Variants in ZKSCAN8 observed in about 807,000 individuals in gnomAD.
The protein encoded by ZKSCAN8 is zinc finger protein with KRAB and SCAN domains 8.
ZKSCAN8 carries 27 observed loss-of-function variants against 57.2 expected under a neutral mutation model. That is an observed-to-expected ratio of 0.47 (90% CI 0.35 to 0.65). The LOEUF is 0.65. Ranked by LOEUF, ZKSCAN8 falls within the 30% of genes least tolerant of loss-of-function variation. The probability of loss-of-function intolerance (pLI) is 0.01; values close to 1 mark genes in which losing one functional copy is unlikely to be tolerated. For synonymous variants in ZKSCAN8, 214 were observed against 248.7 expected, an observed-to-expected ratio of 0.86 and a Z score of 1.31; for missense variants, 597 against 696.3, an observed-to-expected ratio of 0.86 and a Z score of 1.60.
intron 3 of ZKSCAN8, 85 bp from the exon 4 acceptor site, chr6:28,151,760 T>TA (rs890554058): frequency 1.8e-6 from 2 of 1,133,878 alleles, no homozygotes; most frequent in Non-Finnish European, 1.3e-6. Flanking sequence ...TCTGCTGAAA[T>TA]AAAAATAATT....
Position 28,153,542 on chromosome 6 carries a change from T to G in ZKSCAN8, c.1262T>G (p.Leu421Arg). The G allele has an allele frequency of 6.2e-7, 1 of 1,614,102 alleles. No individual in the cohort carries two copies. The highest frequency in any genetic ancestry group is 8.5e-7 in the Non-Finnish European group (1 of 1,180,008). ...AAGGCTTTCAGTCAGAGTGCGGGCC[T>G]TATTCTGCACCAGAGAATCCACAGT... ...CGKAFSQSAG[L>R]ILHQRIHSGE... Residue 421 changes from leucine to arginine, a missense_variant, in exon 6 of 6, where the codon CTT becomes CGT. Leu to Arg is a moderately radical substitution (Grantham distance 102). Transcript: ENST00000330236.
chr6:28,146,959 C>T (rs765202657), intron 1 of ZKSCAN8, among the ~76,000 whole-genome samples: 1 of 152,000 alleles, frequency 6.6e-6, no homozygotes, highest in Non-Finnish European at 1.5e-5. Context: ...AAACCTAAAA[C>T]TATAAAACTT....
At chr6:28,149,411 C>T (rs1052630538) in intron 2 of ZKSCAN8, 72 bp from the exon 3 acceptor site, 78 of 1,577,414 alleles carry the variant, frequency 4.9e-5, no homozygotes, top group South Asian at 2.2e-4. Context: ...TAGATGTGTT[C>T]GTGGTCCTCT....
At chr6:28,145,219 A>G (rs531054148) in intron 1 of ZKSCAN8, among the ~76,000 whole-genome samples, 1 of 152,298 alleles carries the variant, frequency 6.6e-6, no homozygotes, top group South Asian at 2.1e-4. Context: ...CTTACCCCCA[A>G]GTTGTGACAA....
In ZKSCAN8 at chr6:28,148,363, TAAAG is replaced by T. The variant is rs753765315; in HGVS notation, c.-42_-39del. On this transcript the variant is annotated 5_prime_UTR_variant, in exon 2 of 6. Transcript: ENST00000330236. ...TCAGAAGAGTCTTCTCTTAAGAAGATAAAGAAGGTAGTGGAAACGAACTTCCTGA... is the reference window on the plus strand; with the variant it reads ...TCAGAAGAGTCTTCTCTTAAGAAGATAAGGTAGTGGAAACGAACTTCCTGA... The T allele has an allele frequency of 3.8e-6, 6 of 1,566,854 alleles. No homozygotes were observed. The East Asian group carries it at 6.8e-5, about 18-fold the overall frequency.
In ZKSCAN8 at chr6:28,153,411, C is replaced by G. The variant is rs1198499446; in HGVS notation, c.1131C>G (p.Arg377=). ...SHQDIHNKVK[R]YHCKECGKAF... ...AGGATATCCACAACAAAGTAAAACG[C>G]TATCACTGTAAGGAGTGTGGCAAAG... is the stretch of plus-strand genomic sequence containing the variant. The change falls in exon 6 of 6, where the codon CGC becomes CGG. Residue 377 remains arginine, a synonymous_variant. Transcript: ENST00000330236. 6.2e-7 allele frequency: 1 copy of G among 1,613,990 alleles called. No homozygotes were observed. The highest frequency in any genetic ancestry group is 1.3e-5 in the African/African-American group (1 of 74,876).
chr6:28,145,443 A>T (rs1765361290), intron 1 of ZKSCAN8, among the ~76,000 whole-genome samples: 1 of 152,196 alleles, frequency 6.6e-6, no homozygotes, highest in African/African-American at 2.4e-5. Context: ...CCATGCTAAA[A>T]AATTTGGTCC....
rs1282550655 is a variant in ZKSCAN8, at chr6:28,151,747, A to G, written c.560-98A>G. Reference sequence around the variant, plus strand: ...TGTGCAAAATCTTTGGCATACATGTATATCTGCTGAAATAAAAATAATTTG... The same window carrying G: ...TGTGCAAAATCTTTGGCATACATGTGTATCTGCTGAAATAAAAATAATTTG... On this transcript the variant is annotated intron_variant, in intron 3 of 5. Coordinates refer to ENST00000330236, the MANE Select transcript of ZKSCAN8 (RefSeq NM_006298.4). 5.0e-6 allele frequency: 5 copies of G among 991,036 alleles called. No individual in the cohort carries two copies. The African/African-American group carries it at 6.4e-5, about 13-fold the overall frequency. 61.4% of individuals were successfully genotyped at this position (991,036 alleles called of 1,614,324 possible).
At position 28,156,659 on chromosome 6, in the gene ZKSCAN8, A is replaced by G. The variant is rs1303725793; in HGVS notation, c.*2642A>G. ...GGCTGTATGACATTTTGAGCTCTTA[A>G]CTGTGAATGGCATTCATTAAGCTCC... On this transcript the variant is annotated 3_prime_UTR_variant, in exon 6 of 6. Coordinates refer to ENST00000330236, the MANE Select transcript of ZKSCAN8 (RefSeq NM_006298.4). The G allele has an allele frequency of 1.3e-5, 2 of 154,362 alleles. No homozygotes were observed. Among genetic ancestry groups the G allele is most frequent in the African/African-American group, 4.8e-5 (2 of 41,532 alleles). 9.6% of individuals were successfully genotyped at this position (154,362 alleles called of 1,614,324 possible). A position where few individuals can be genotyped will look rare whatever the true frequency, so the allele number is the denominator to read the frequency against.
At chr6:28,148,105 CAGA>C (rs1387220763) in intron 1 of ZKSCAN8, among the ~76,000 whole-genome samples, 1 of 152,076 alleles carries the variant, frequency 6.6e-6, no homozygotes, top group African/African-American at 2.4e-5. Flanking sequence ...GTGATGAAAG[CAGA>C]AGGAAGGGGT....
At chr6:28,147,965 G>A (rs1223856454) in intron 1 of ZKSCAN8, among the ~76,000 whole-genome samples, 1 of 152,166 alleles carries the variant, frequency 6.6e-6, no homozygotes, top group Non-Finnish European at 1.5e-5. Flanking sequence ...TACAGCTGGT[G>A]TATCAAAGAC....
In ZKSCAN8 at chr6:28,144,741, A is replaced by G. The variant is rs1765331712; in HGVS notation, c.-93+2712A>G. Among the ~76,000 whole-genome samples the G allele has an allele frequency of 6.6e-6, 1 of 152,234 alleles. No individual in the cohort carries two copies. The highest frequency in any genetic ancestry group is 6.5e-5 in the Admixed American group (1 of 15,288). ...CAGAGAAGAACTCATGAAAAAGGTA[A>G]TAGATAAATTAGAGTTAAGAGTTGA... On this transcript the variant is annotated intron_variant, in intron 1 of 5. Transcript: ENST00000330236. This position sits in a 1 kb window ranked among gnomAD's most constrained non-coding sequence, Gnocchi z 4.5.
chr6:28,148,470 TC>T lies in ZKSCAN8; in HGVS notation c.64del (p.Val23Ter). 1 of 1,614,102 alleles carries T rather than the reference TC, an allele frequency of 6.2e-7. No homozygotes were observed. The highest frequency in any genetic ancestry group is 8.5e-7 in the Non-Finnish European group (1 of 1,180,022). Reference protein sequence around the residue: ...SPPDQTPEEDLVIVKVEEDHG... With the variant: ...SPPDQTPEEDXVIVKVEEDHG... ...CACCAGACCAGACTCCTGAAGAGGA[TC>T]TTGTAATCGTCAAGGTAGAGGAGGA... On this transcript the variant is annotated frameshift_variant, in exon 2 of 6. Transcript: ENST00000330236. LOFTEE classifies it high-confidence loss of function.
chr6:28,152,986 T>C, intron 5 of ZKSCAN8, 70 bp from the exon 6 acceptor site: 1 of 1,565,784 alleles, frequency 6.4e-7, no homozygotes, highest in Non-Finnish European at 8.6e-7. Context: ...TATCTTCAGT[T>C]CCTTTCTCCT....
In ZKSCAN8 at chr6:28,158,557, T is replaced by TA. The variant is rs1765862663; in HGVS notation, c.*4541dup. On this transcript the variant is annotated 3_prime_UTR_variant, in exon 6 of 6. Transcript: ENST00000330236. ...TATATTTTTACCCCAGCCTTGGAGT[T>TA]ATCTTTTTCTGCTCTCCATTCTCCA... 1.3e-5 allele frequency: 2 copies of TA among 152,324 alleles called. No individual in the cohort carries two copies. The highest frequency in any genetic ancestry group is 2.9e-5 in the Non-Finnish European group (2 of 68,034). The allele number at this position is 152,324 out of a possible 1,614,324, so 9.4% of individuals were successfully genotyped here.
intron 1 of ZKSCAN8, chr6:28,142,316 A>C (rs1409398920): frequency 6.6e-6 from 1 of 151,898 alleles, no homozygotes; most frequent in East Asian, 1.9e-4. Flanking sequence ...CGCCCCCCCC[A>C]TGTTATTTTT....
chr6:28,153,680 G>A lies in ZKSCAN8; in HGVS notation c.1400G>A (p.Cys467Tyr). The change falls in exon 6 of 6, where the codon TGT becomes TAT. Residue 467 changes from cysteine (C) to tyrosine (Y), a missense_variant. Physicochemically the swap from Cys to Tyr is radical, Grantham distance 194 (BLOSUM62 -2). Transcript: ENST00000330236. ...GAGAAGCCCTATGAGTGTGATGAGT[G>A]TGGGAAAACCTTCAGGCGGAGCTCA... ...TGEKPYECDE[C>Y]GKTFRRSSHL... 1 of 1,613,998 alleles carries A rather than the reference G, an allele frequency of 6.2e-7. No homozygotes were observed. The highest frequency in any genetic ancestry group is 8.5e-7 in the Non-Finnish European group (1 of 1,179,994).
intron 3 of ZKSCAN8, among the ~76,000 whole-genome samples, chr6:28,151,174 C>T (rs1007592966): frequency 6.6e-6 from 1 of 152,092 alleles, no homozygotes; most frequent in South Asian, 2.1e-4. Context: ...GCTCTTGTAT[C>T]CTCTTGACAT....
Position 28,153,943 on chromosome 6 carries a change from T to G in ZKSCAN8, c.1663T>G (p.Phe555Val). Residue 555 changes from phenylalanine (F) to valine (V), a missense_variant, in exon 6 of 6, where the codon TTT becomes GTT. Phe to Val is a conservative substitution (Grantham distance 50, BLOSUM62 -1). Transcript: ENST00000330236. ...PYQCNECGKAFIQRSSLIRHQ... is the reference protein window; with the variant it reads ...PYQCNECGKAVIQRSSLIRHQ... Reference sequence around the variant, plus strand: ...CCAATGTAATGAGTGTGGGAAAGCCTTTATTCAGAGGTCAAGTCTCATTCG... The same window carrying G: ...CCAATGTAATGAGTGTGGGAAAGCCGTTATTCAGAGGTCAAGTCTCATTCG... 1 of 1,614,004 alleles carries G rather than the reference T, an allele frequency of 6.2e-7. No homozygotes were observed. Among genetic ancestry groups the G allele is most frequent in the Non-Finnish European group, 8.5e-7 (1 of 1,179,954 alleles).
Sources: gnomAD v4.1 joint callset for allele counts (sites outside exome capture counted in the v4.1 genomes callset) on GRCh38, gnomAD v4.1.1 for gene constraint, Gnocchi (gnomAD v3.1) non-coding constraint, MANE v1.5 for transcripts, NCBI Gene and HGNC (gene_info 2026-07-23, HGNC 2026-07-21) for gene names.